Variants in OVOL2 observed in about 807,000 individuals in gnomAD.
The protein encoded by OVOL2 is ovo like zinc finger 2.
Under a neutral mutation model 18.1 loss-of-function variants are expected in OVOL2, and 13 were observed. The ratio of observed to expected loss-of-function variants is 0.72; its 90% CI spans 0.47 to 1.14. The LOEUF (loss-of-function observed/expected upper bound fraction) is 1.14, where lower values mean the gene tolerates loss of function less well. OVOL2 is among the 50% of genes most tolerant of loss of function. The pLI is 0.00. For missense variants in OVOL2, 335 were observed against 383.0 expected, an observed-to-expected ratio of 0.87 and a Z score of 1.05; for synonymous variants, 166 against 162.7, an observed-to-expected ratio of 1.02 and a Z score of -0.16.
chr20:18,026,510 T>C (rs2036518093), intron 3 of OVOL2, among the ~76,000 whole-genome samples: 1 of 151,524 alleles, frequency 6.6e-6, no homozygotes, highest in Non-Finnish European at 1.5e-5. Flanking sequence ...GCCTCCCGAG[T>C]ACCTGGAACT....
intron 3 of OVOL2, among the ~76,000 whole-genome samples, chr20:18,030,571 T>A (rs2122691978): frequency 6.6e-6 from 1 of 152,230 alleles, no homozygotes; most frequent in African/African-American, 2.4e-5. Context: ...CTGAGCATCT[T>A]CTATGAGCAG....
chr20:18,035,797 G>A (rs2036610587), intron 3 of OVOL2, among the ~76,000 whole-genome samples: 1 of 152,130 alleles, frequency 6.6e-6, no homozygotes, highest in Admixed American at 6.6e-5. Context: ...ATCCCTTTAA[G>A]TGTCAAAATG....
intron 2 of OVOL2, among the ~76,000 whole-genome samples, chr20:18,043,905 T>C (rs1449349180): frequency 6.6e-6 from 1 of 152,202 alleles, no homozygotes; most frequent in Non-Finnish European, 1.5e-5. Flanking sequence ...TGGATCCCAT[T>C]GCTCTGCCAA....
intron 2 of OVOL2, among the ~76,000 whole-genome samples, chr20:18,052,491 G>A (rs1311949658): frequency 2.0e-5 from 3 of 152,152 alleles, no homozygotes; most frequent in African/African-American, 7.2e-5. Context: ...TCATGCATGG[G>A]GCAAGGGGTG....
chr20:18,033,505 T>C (rs550279993), intron 3 of OVOL2, among the ~76,000 whole-genome samples: 1 of 152,382 alleles, frequency 6.6e-6, no homozygotes, highest in South Asian at 2.1e-4. Flanking sequence ...CACCTGTTTA[T>C]GGCCCTTTAC....
chr20:18,046,962 G>A (rs998965726), intron 2 of OVOL2, among the ~76,000 whole-genome samples: 3 of 150,864 alleles, frequency 2.0e-5, no homozygotes, highest in African/African-American at 7.3e-5. Context: ...AAAAAACCTA[G>A]ATCTGGCTAG....
intron 3 of OVOL2, among the ~76,000 whole-genome samples, chr20:18,038,819 T>C (rs941529245): frequency 7.9e-5 from 12 of 151,970 alleles, no homozygotes; most frequent in African/African-American, 2.7e-4. Context: ...GTGGTCCTGA[T>C]TTCCTGCCCC....
At position 18,056,551 on chromosome 20, in the gene OVOL2, G is replaced by T. The variant is rs1054897362; in HGVS notation, c.321+106C>A. 3.5e-6 allele frequency: 4 copies of T among 1,152,326 alleles called. No individual in the cohort carries two copies. The highest frequency in any genetic ancestry group is 4.3e-5 in the South Asian group (1 of 23,492). The allele number at this position is 1,152,326 out of a possible 1,614,324, so 71.4% of individuals were successfully genotyped here. A position where few individuals can be genotyped will look rare whatever the true frequency, so the allele number is the denominator to read the frequency against. ...GGCGCGGCGGGCGCGCTCGGGGCGC[G>T]GGTGCCGGGTTGCGCAGGCGGGCGC... is the stretch of plus-strand genomic sequence containing the variant. On this transcript the variant is annotated intron_variant, in intron 2 of 3. Coordinates refer to ENST00000278780, the MANE Select transcript of OVOL2 (RefSeq NM_021220.4). The surrounding 1 kb of genome is among the most constrained non-coding windows in gnomAD (Gnocchi z 4.2).
At chr20:18,035,022 G>A (rs539565882) in intron 3 of OVOL2, among the ~76,000 whole-genome samples, 3 of 152,310 alleles carry the variant, frequency 2.0e-5, no homozygotes, top group East Asian at 3.9e-4. Context: ...TAATTGGACT[G>A]CAAACAAACA....
Position 18,045,115 on chromosome 20 carries a change from C to T in OVOL2, c.322-3392G>A, listed in dbSNP as rs6045161. Among the ~76,000 whole-genome samples the T allele has an allele frequency of 6.4e-3, 978 of 152,294 alleles. 12 individuals are homozygous for T. Among genetic ancestry groups the T allele is most frequent in the African/African-American group, 0.021 (892 of 41,558 alleles). Reference sequence around the variant, plus strand: ...CACTCCCCAGAACTGCAGCTGCCCACCTCTACCCAAGGCTTTCCTATCACC... The same window carrying T: ...CACTCCCCAGAACTGCAGCTGCCCATCTCTACCCAAGGCTTTCCTATCACC... On this transcript the variant is annotated intron_variant, in intron 2 of 3. Transcript: ENST00000278780.
At position 18,057,507 on chromosome 20, in the gene OVOL2, C is replaced by G. The variant is rs2036841063; in HGVS notation, c.100+28G>C. 1.3e-6 allele frequency: 2 copies of G among 1,548,592 alleles called. No individual in the cohort carries two copies. Among genetic ancestry groups the G allele is most frequent in the Admixed American group, 2.0e-5 (1 of 51,172 alleles). On this transcript the variant is annotated intron_variant, in intron 1 of 3. Transcript: ENST00000278780. This position sits in a 1 kb window ranked among gnomAD's most constrained non-coding sequence, Gnocchi z 6.3. ...CTTCCCCCACCCCGGGAGCCCAGCGCCCAGGCCCGGCCCCCGCGCGCGCTC... is the reference window on the plus strand; with the variant it reads ...CTTCCCCCACCCCGGGAGCCCAGCGGCCAGGCCCGGCCCCCGCGCGCGCTC...
intron 3 of OVOL2, among the ~76,000 whole-genome samples, chr20:18,032,758 C>T (rs1388300846): frequency 1.3e-5 from 2 of 152,098 alleles, no homozygotes; most frequent in Non-Finnish European, 2.9e-5. Flanking sequence ...CAGCCCGCCT[C>T]GGCCTCCCAA....
At chr20:18,055,497 C>T (rs1397781521) in intron 2 of OVOL2, among the ~76,000 whole-genome samples, 1 of 152,184 alleles carries the variant, frequency 6.6e-6, no homozygotes, top group Non-Finnish European at 1.5e-5. Flanking sequence ...CCGGCCCGCA[C>T]GGTTTCGGCA....
rs2036834669 is a variant in OVOL2 at position 18,056,963 on chromosome 20, C to T, written c.101-86G>A. The stretch of plus-strand genomic sequence containing the variant: ...CAGTTTGACCTGCGGGCGGTGCTGC[C>T]GCCGCCCCGCCCCGGACCTGGGCAC... On this transcript the variant is annotated intron_variant, in intron 1 of 3. Coordinates refer to ENST00000278780, the MANE Select transcript of OVOL2 (RefSeq NM_021220.4). This position sits in a 1 kb window ranked among gnomAD's most constrained non-coding sequence, Gnocchi z 4.2. 2.2e-6 allele frequency: 3 copies of T among 1,362,314 alleles called. No homozygotes were observed. The highest frequency in any genetic ancestry group is 1.7e-5 in the South Asian group (1 of 59,304). The allele number at this position is 1,362,314 out of a possible 1,614,324, so 84.4% of individuals were successfully genotyped here.
intron 3 of OVOL2, among the ~76,000 whole-genome samples, chr20:18,032,260 GGGAA>G (rs1048086569): frequency 3.2e-4 from 45 of 142,780 alleles, no homozygotes; most frequent in African/African-American, 1.2e-3. Context: ...AAAGAAGAGA[GGGAA>G]AGAAAGAGAA....
chr20:18,024,700 T>G lies in OVOL2; in HGVS notation c.764A>C (p.Gln255Pro). The G allele has an allele frequency of 6.2e-7, 1 of 1,614,168 alleles. No individual in the cohort carries two copies. The highest frequency in any genetic ancestry group is 8.5e-7 in the Non-Finnish European group (1 of 1,180,024). Residue 255 changes from glutamine (Q) to proline (P), a missense_variant, in exon 4 of 4, where the codon CAG (glutamine) becomes CCG (proline). Gln to Pro is a moderately conservative substitution (Grantham distance 76). Coordinates refer to ENST00000278780, the MANE Select transcript of OVOL2 (RefSeq NM_021220.4). Reference sequence around the variant, plus strand: ...CTGGTGTGCGGATGTCAGCTTGCCCTGCAGAAGGGCTGCCAGTTTTTTAGA... The same window carrying G: ...CTGGTGTGCGGATGTCAGCTTGCCCGGCAGAAGGGCTGCCAGTTTTTTAGA... The part of the protein sequence containing the change: ...KTSKKLAALL[Q>P]GKLTSAHQEN...
At chr20:18,030,410 C>CTTAA (rs1301666112) in intron 3 of OVOL2, among the ~76,000 whole-genome samples, 2 of 152,226 alleles carry the variant, frequency 1.3e-5, no homozygotes, top group African/African-American at 4.8e-5. Context: ...AGCTGGCACA[C>CTTAA]TTAACATCAG....
At chr20:18,025,438 G>A (rs531637175) in intron 3 of OVOL2, among the ~76,000 whole-genome samples, 14 of 152,094 alleles carry the variant, frequency 9.2e-5, no homozygotes, top group East Asian at 3.9e-4. Context: ...GCATGGTGGC[G>A]CGCACCCATA....
rs187580405 is a variant in OVOL2 at position 18,057,771 on chromosome 20, C to G, written c.-137G>C. The G allele has an allele frequency of 1.4e-6, 2 of 1,409,672 alleles. No homozygotes were observed. The highest frequency in any genetic ancestry group is 3.0e-5 in the African/African-American group (2 of 65,634). 87.3% of individuals were successfully genotyped at this position (1,409,672 alleles called of 1,614,324 possible). On this transcript the variant is annotated 5_prime_UTR_variant, in exon 1 of 4. Coordinates refer to ENST00000278780, the MANE Select transcript of OVOL2 (RefSeq NM_021220.4). This position sits in a 1 kb window ranked among gnomAD's most constrained non-coding sequence, Gnocchi z 6.3. Reference sequence around the variant, plus strand: ...TCGCCTGCCCTCTTCCTCCACCCCCCGCCGCGGCGCGGCCCAGGCCTCTCC... The same window carrying G: ...TCGCCTGCCCTCTTCCTCCACCCCCGGCCGCGGCGCGGCCCAGGCCTCTCC...
Sources: allele counts gnomAD v4.1 joint callset (sites outside exome capture counted in the v4.1 genomes callset), GRCh38; gene constraint gnomAD v4.1.1; non-coding constraint Gnocchi (gnomAD v3.1); transcripts MANE v1.5; gene names NCBI Gene and HGNC (gene_info 2026-07-23, HGNC 2026-07-21).